The following GPR26 variants were observed in gnomAD, a reference collection of about 807,000 sequenced individuals.
The protein encoded by GPR26 is G protein-coupled receptor 26.
Under a neutral mutation model 23.1 loss-of-function variants are expected in GPR26, and 15 were observed. The observed-to-expected ratio is 0.65, with a 90% CI of 0.43 to 1.00. GPR26 has a LOEUF of 1.00. Ranked by LOEUF, GPR26 falls within the 50% of genes least tolerant of loss-of-function variation. The pLI, the probability that GPR26 is intolerant of heterozygous loss-of-function variation, is 0.00. For missense variants in GPR26, 359 were observed against 470.5 expected, an observed-to-expected ratio of 0.76 and a Z score of 2.19; for synonymous variants, 228 against 222.1, an observed-to-expected ratio of 1.03 and a Z score of -0.24.
chr10:123,684,209 G>A (rs1301383208), intron 2 of GPR26, among the ~76,000 whole-genome samples: 1 of 152,166 alleles, frequency 6.6e-6, no homozygotes, highest in South Asian at 2.1e-4. Context: ...GGAAGGTCTG[G>A]GCAGGTGGCA....
Position 123,666,891 on chromosome 10 carries a change from C to A in GPR26, c.484C>A (p.Arg162=), listed in dbSNP as rs775467686. The change falls in exon 1 of 3, where the codon CGG becomes AGG. Residue 162 remains arginine, a synonymous_variant. Coordinates refer to ENST00000284674, the MANE Select transcript of GPR26 (RefSeq NM_153442.4). ...LYASCTLCSR[R]PDERLRFAVF... ...CGCCTCGTGCACGCTGTGCAGCCGG[C>A]GGCCAGACGAGCGCCTGCGCTTCGC... The A allele has an allele frequency of 6.2e-7, 1 of 1,612,106 alleles. No individual in the cohort carries two copies. Among genetic ancestry groups the A allele is most frequent in the Non-Finnish European group, 8.5e-7 (1 of 1,179,540 alleles).
chr10:123,685,538 G>C (rs1465744326), intron 2 of GPR26, among the ~76,000 whole-genome samples: 1 of 152,218 alleles, frequency 6.6e-6, no homozygotes, highest in East Asian at 1.9e-4. Flanking sequence ...GCAGTGTCCA[G>C]GCCTGTATTC....
At position 123,674,053 on chromosome 10, in the gene GPR26, G is replaced by A. The variant is rs1029259352; in HGVS notation, c.669-765G>A. Among the ~76,000 whole-genome samples the A allele has an allele frequency of 6.6e-5, 10 of 152,086 alleles. No individual in the cohort carries two copies. Among genetic ancestry groups the A allele is most frequent in the African/African-American group, 2.2e-4 (9 of 41,396 alleles). ...GCTCACTGCAACCTCTGCCTCCTGGGTTCAAGTGATTCTCCTGTCTCAGCC... is the reference window on the plus strand; with the variant it reads ...GCTCACTGCAACCTCTGCCTCCTGGATTCAAGTGATTCTCCTGTCTCAGCC... On this transcript the variant is annotated intron_variant, in intron 1 of 2. Coordinates refer to ENST00000284674, the MANE Select transcript of GPR26 (RefSeq NM_153442.4). The surrounding 1 kb of genome is among the most constrained non-coding windows in gnomAD (Gnocchi z 4.1).
chr10:123,681,083 C>A (rs1480216172), intron 2 of GPR26, among the ~76,000 whole-genome samples: 3 of 152,104 alleles, frequency 2.0e-5, no homozygotes, highest in African/African-American at 7.2e-5. Flanking sequence ...AGCTAATCCA[C>A]CTGCATCGGC....
At chr10:123,673,334 C>G (rs1293747090) in intron 1 of GPR26, among the ~76,000 whole-genome samples, 1 of 152,142 alleles carries the variant, frequency 6.6e-6, no homozygotes, top group East Asian at 1.9e-4. Flanking sequence ...GCTGCCCTGG[C>G]ATTAGCGATG....
At position 123,689,236 on chromosome 10, in the gene GPR26, A is replaced by G. The variant is rs945587333; in HGVS notation, c.*1076A>G. On this transcript the variant is annotated 3_prime_UTR_variant, in exon 3 of 3. Coordinates refer to ENST00000284674, the MANE Select transcript of GPR26 (RefSeq NM_153442.4). ...GGTTATCAAGAAAGTGCCCTGTGCT[A>G]ATGATGAGACAGTGAATTTTTTTTT... is the stretch of plus-strand genomic sequence containing the variant. The G allele has an allele frequency of 1.4e-5, 2 of 144,406 alleles. No individual in the cohort carries two copies. Among genetic ancestry groups the G allele is most frequent in the African/African-American group, 5.0e-5 (2 of 40,208 alleles). The allele number at this position is 144,406 out of a possible 1,614,324, so 8.9% of individuals were successfully genotyped here. A position where few individuals can be genotyped will look rare whatever the true frequency, so the allele number is the denominator to read the frequency against.
rs775634254 is a variant in GPR26, at chr10:123,666,434, G to A, written c.27G>A (p.Ala9=). 1 of 1,529,544 alleles carries A rather than the reference G, an allele frequency of 6.5e-7. No homozygotes were observed. The highest frequency in any genetic ancestry group is 1.2e-5 in the South Asian group (1 of 82,318). The allele number at this position is 1,529,544 out of a possible 1,614,324, so 94.7% of individuals were successfully genotyped here. A position where few individuals can be genotyped will look rare whatever the true frequency, so the allele number is the denominator to read the frequency against. MNSWDAGL[A]GLLVGTMGVS... is the part of the protein sequence containing the mutation. The stretch of plus-strand genomic sequence containing the variant: ...TGAACTCGTGGGACGCGGGCCTGGC[G>A]GGGCTACTGGTGGGCACGATGGGCG... The change falls in exon 1 of 3, where the codon GCG becomes GCA. Residue 9 remains alanine, a synonymous_variant. Transcript: ENST00000284674.
At position 123,689,822 on chromosome 10, in the gene GPR26, CATGGAGACTAGA is replaced by C. The variant is rs1435845156; in HGVS notation, c.*1671_*1682del. 3.3e-5 allele frequency: 5 copies of C among 152,158 alleles called. No homozygotes were observed. Among genetic ancestry groups the C allele is most frequent in the African/African-American group, 1.2e-4 (5 of 41,422 alleles). 9.4% of individuals were successfully genotyped at this position (152,158 alleles called of 1,614,324 possible). A position where few individuals can be genotyped will look rare whatever the true frequency, so the allele number is the denominator to read the frequency against. On this transcript the variant is annotated 3_prime_UTR_variant, in exon 3 of 3. Transcript: ENST00000284674. ...TAGTCTTGTCTAGTTTCAAAGTTAC[CATGGAGACTAGA>C]ATGGAGACAGGTGTAGCTTCCAAGG...
At position 123,674,911 on chromosome 10, in the gene GPR26, C is replaced by A. The variant is rs144378636; in HGVS notation, c.762C>A (p.Phe254Leu). 5 of 1,610,706 alleles carry A rather than the reference C, an allele frequency of 3.1e-6. No homozygotes were observed. The highest frequency in any genetic ancestry group is 4.2e-6 in the Non-Finnish European group (5 of 1,177,452). The change falls in exon 2 of 3, where the codon TTC becomes TTA. Residue 254 changes from phenylalanine to leucine, a missense_variant. Physicochemically the swap from Phe to Leu is conservative, Grantham distance 22. Transcript: ENST00000284674. The surrounding 1 kb of genome is among the most constrained non-coding windows in gnomAD (Gnocchi z 4.1). ...STFIGTFLVCFAPYVITRLVE... is the reference protein window; with the variant it reads ...STFIGTFLVCLAPYVITRLVE... ...TCATAGGGACCTTCCTTGTGTGCTT[C>A]GCGCCCTATGTGATCACCAGGTGAG...
chr10:123,668,832 G>C (rs921765316), intron 1 of GPR26, among the ~76,000 whole-genome samples: 1 of 152,198 alleles, frequency 6.6e-6, no homozygotes, highest in African/African-American at 2.4e-5. Context: ...GCTGGGAGTG[G>C]AACCAGTTCT....
intron 2 of GPR26, among the ~76,000 whole-genome samples, chr10:123,679,632 A>C (rs2362650): frequency 0.42 from 63,495 of 151,612 alleles, 13,561 homozygotes; most frequent in African/African-American, 0.49. Flanking sequence ...GTGTTTGAAT[A>C]ATTGCCCAGA....
At chr10:123,671,435 T>A (rs1845249110) in intron 1 of GPR26, among the ~76,000 whole-genome samples, 1 of 151,678 alleles carries the variant, frequency 6.6e-6, no homozygotes, top group South Asian at 2.1e-4. Context: ...GCTCGCACTC[T>A]GGCTGAACAG....
At position 123,674,823 on chromosome 10, in the gene GPR26, G is replaced by T; in HGVS notation, c.674G>T (p.Arg225Leu). 6.2e-7 allele frequency: 1 copy of T among 1,611,682 alleles called. No homozygotes were observed. Among genetic ancestry groups the T allele is most frequent in the South Asian group, 1.1e-5 (1 of 90,940 alleles). ...VLLVDLHPSVRERCLEEQKRR... is the reference protein window; with the variant it reads ...VLLVDLHPSVLERCLEEQKRR... ...CTCTCCTCTCTCACATGCAGTGTGC[G>T]GGAACGCTGTCTGGAGGAGCAGAAG... Residue 225 changes from arginine (R) to leucine (L), a missense_variant, in exon 2 of 3, where the codon CGG becomes CTG. Physicochemically the swap from Arg to Leu is moderately radical, Grantham distance 102 (BLOSUM62 -2). Transcript: ENST00000284674. The surrounding 1 kb of genome is among the most constrained non-coding windows in gnomAD (Gnocchi z 4.1).
At position 123,691,655 on chromosome 10, in the gene GPR26, T is replaced by C. The variant is rs1470332598; in HGVS notation, c.*3495T>C. 6.6e-6 allele frequency: 1 copy of C among 152,198 alleles called. No homozygotes were observed. Among genetic ancestry groups the C allele is most frequent in the African/African-American group, 2.4e-5 (1 of 41,440 alleles). The allele number at this position is 152,198 out of a possible 1,614,324, so 9.4% of individuals were successfully genotyped here. A position where few individuals can be genotyped will look rare whatever the true frequency, so the allele number is the denominator to read the frequency against. On this transcript the variant is annotated 3_prime_UTR_variant, in exon 3 of 3. Coordinates refer to ENST00000284674, the MANE Select transcript of GPR26 (RefSeq NM_153442.4). The stretch of plus-strand genomic sequence containing the variant: ...CAGGAATCCCTTGGGTCAGCTCCTA[T>C]CCTCTGGACGGGGAGCATCATGGGA...
At chr10:123,671,103 G>A (rs1845244847) in intron 1 of GPR26, among the ~76,000 whole-genome samples, 1 of 152,188 alleles carries the variant, frequency 6.6e-6, no homozygotes, top group African/African-American at 2.4e-5. Context: ...AAACCAATCT[G>A]AGTCACTCCT....
intron 2 of GPR26, 103 bp downstream of exon 2, chr10:123,675,034 G>A (rs975634817): frequency 7.1e-6 from 5 of 702,376 alleles, no homozygotes; most frequent in Middle Eastern, 3.8e-4. Context: ...TCTTCTGCAC[G>A]GTGTGTTGTG....
rs1236521507 is a variant in GPR26 at position 123,695,841 on chromosome 10, C to T, written c.*7681C>T. 1.3e-5 allele frequency among the ~76,000 whole-genome samples: 2 copies of T among 152,216 alleles called. No homozygotes were observed. The highest frequency in any genetic ancestry group is 4.8e-5 in the African/African-American group (2 of 41,468). ...AAACCTCAACACTCCTGTTTTACAA[C>T]AAACATGTAAATACAACCTCTTTTG... On this transcript the variant is annotated 3_prime_UTR_variant, in exon 3 of 3. Transcript: ENST00000284674.
chr10:123,692,336 C>A lies in GPR26; in HGVS notation c.*4176C>A, dbSNP rs1845498098. ...CCTCTGCCACTACCCAGAGCTTGTC[C>A]TGCCCTCTTCCCAGCCAGCCTCACA... On this transcript the variant is annotated 3_prime_UTR_variant, in exon 3 of 3. Transcript: ENST00000284674. 6.6e-6 allele frequency: 1 copy of A among 152,320 alleles called. No homozygotes were observed. Among genetic ancestry groups the A allele is most frequent in the African/African-American group, 2.4e-5 (1 of 41,472 alleles). The allele number at this position is 152,320 out of a possible 1,614,324, so 9.4% of individuals were successfully genotyped here.
chr10:123,673,093 T>G (rs1845268484), intron 1 of GPR26, among the ~76,000 whole-genome samples: 1 of 152,156 alleles, frequency 6.6e-6, no homozygotes, highest in Non-Finnish European at 1.5e-5. Context: ...GTAATATTAG[T>G]CATGAGTAAT....
Sources: gnomAD v4.1 joint callset for allele counts (sites outside exome capture counted in the v4.1 genomes callset) on GRCh38, gnomAD v4.1.1 for gene constraint, Gnocchi (gnomAD v3.1) non-coding constraint, MANE v1.5 for transcripts, NCBI Gene and HGNC (gene_info 2026-07-23, HGNC 2026-07-21) for gene names.